AGRN: variants seen among roughly 807,000 people sequenced by gnomAD.
AGRN encodes agrin.
Under a neutral mutation model 211.0 loss-of-function variants are expected in AGRN, and 106 were observed. The observed-to-expected ratio is 0.50, with a 90% CI of 0.43 to 0.59. AGRN has a LOEUF of 0.59. Among genes scored for constraint, AGRN ranks in the 20% least tolerant of loss-of-function variants. The probability of loss-of-function intolerance (pLI) is 0.00; values close to 1 mark genes in which losing one functional copy is unlikely to be tolerated. For synonymous variants in AGRN, 1,525 were observed against 1,332.5 expected, an observed-to-expected ratio of 1.14 and a Z score of -3.15; for missense variants, 3,040 against 2,982.6, an observed-to-expected ratio of 1.02 and a Z score of -0.45.
intron 27 of AGRN, 38 bp downstream of exon 27, chr1:1,050,075 G>T: frequency 6.6e-7 from 1 of 1,518,792 alleles, no homozygotes; most frequent in Non-Finnish European, 8.9e-7. Context: ...GGGGGGGGGG[G>T]GGGTTGAACG....
At chr1:1,020,481 G>A (rs1468541439) in intron 1 of AGRN, 108 bp downstream of exon 1, 4 of 1,125,172 alleles carry the variant, frequency 3.6e-6, no homozygotes, top group Non-Finnish European at 4.7e-6. Context: ...CCCCCGCTCC[G>A]GCTCCCTTGG....
At chr1:1,027,027 G>T (rs1644535319) in intron 2 of AGRN, among the ~76,000 whole-genome samples, 1 of 152,274 alleles carries the variant, frequency 6.6e-6, no homozygotes, top group African/African-American at 2.4e-5. Context: ...CCCCGAAGGG[G>T]CCTCTCCCCC....
At chr1:1,039,410 A>ATGG (rs910277132) in intron 3 of AGRN, among the ~76,000 whole-genome samples, 33 of 25,504 alleles carry the variant, frequency 1.3e-3, no homozygotes, top group African/African-American at 2.1e-3. Context: ...CTCCTTGGAG[A>ATGG]TGGGGGGGGT....
Position 1,045,974 on chromosome 1 carries a change from G to T in AGRN, c.2691G>T (p.Ala897=), listed in dbSNP as rs760197095. The change falls in exon 16 of 36, where the codon GCG becomes GCT. Residue 897 remains alanine (A), a synonymous_variant. Coordinates refer to ENST00000379370, the MANE Select transcript of AGRN (RefSeq NM_198576.4). ...GPAGCEADAS[A]PATCAEMRCE... ...ATGCCCGTGCCCCAGACGCTTCTGC[G>T]CCTGCGACCTGTGCGGAGATGCGCT... 6.2e-7 allele frequency: 1 copy of T among 1,613,598 alleles called. No homozygotes were observed. The highest frequency in any genetic ancestry group is 1.3e-5 in the African/African-American group (1 of 74,914).
intron 2 of AGRN, among the ~76,000 whole-genome samples, chr1:1,024,884 C>T (rs756676277): frequency 2.6e-5 from 4 of 152,228 alleles, no homozygotes; most frequent in Non-Finnish European, 5.9e-5. Flanking sequence ...CCCGCTGCTC[C>T]CTCCGGAAGG....
intron 2 of AGRN, among the ~76,000 whole-genome samples, chr1:1,033,405 G>C (rs1314366510): frequency 6.6e-6 from 1 of 151,482 alleles, no homozygotes; most frequent in Non-Finnish European, 1.5e-5. Context: ...GGCCCCCCGA[G>C]CCCCCTGCGG....
At chr1:1,033,697 GCCCCAGTCCCAC>G (rs1183078938) in intron 2 of AGRN, among the ~76,000 whole-genome samples, 42 of 98,982 alleles carry the variant, frequency 4.2e-4, no homozygotes, top group Non-Finnish European at 5.7e-4. Flanking sequence ...CCCAGGCCCA[GCCCCAGTCCCAC>G]CCCCAGTCCC....
intron 34 of AGRN, 125 bp from the exon 35 acceptor site, chr1:1,054,323 G>A (rs1645393949): frequency 1.1e-6 from 1 of 900,206 alleles, no homozygotes; most frequent in Non-Finnish European, 1.7e-6. Context: ...GCCCCCAGGG[G>A]TGATACCTCG....
Position 1,020,259 on chromosome 1 carries a change from G to T in AGRN, c.87G>T (p.Gly29=). The change falls in exon 1 of 36, where the codon GGG becomes GGT. Residue 29 remains glycine (G), a synonymous_variant. Coordinates refer to ENST00000379370, the MANE Select transcript of AGRN (RefSeq NM_198576.4). Reference sequence around the variant, plus strand: ...CGTGCGTCCTGCCCGGAGCCGGCGGGACATGCCCGGAGCGCGCGCTGGAGC... The same window carrying T: ...CGTGCGTCCTGCCCGGAGCCGGCGGTACATGCCCGGAGCGCGCGCTGGAGC... ...VAACVLPGAG[G]TCPERALERR... is the part of the protein sequence containing the mutation. 6.8e-7 allele frequency: 1 copy of T among 1,464,024 alleles called. No individual in the cohort carries two copies. The allele number at this position is 1,464,024 out of a possible 1,614,324, so 90.7% of individuals were successfully genotyped here.
At chr1:1,049,482 A>G in intron 25 of AGRN, 31 bp downstream of exon 25, 4 of 1,598,426 alleles carry the variant, frequency 2.5e-6, no homozygotes, top group Admixed American at 1.7e-5. Context: ...TGTGGCCCCG[A>G]CCCCGGCCCT....
At position 1,045,623 on chromosome 1, in the gene AGRN, C is replaced by G. The variant is rs1055334411; in HGVS notation, c.2536+100C>G. ...CACCTGCCCAGGCCCTGGCCTGACCCACACCTGGCTGGGGGCTGGGCAGAG... is the reference window on the plus strand; with the variant it reads ...CACCTGCCCAGGCCCTGGCCTGACCGACACCTGGCTGGGGGCTGGGCAGAG... On this transcript the variant is annotated intron_variant, in intron 14 of 35. Transcript: ENST00000379370. 69 of 1,605,944 alleles carry G rather than the reference C, an allele frequency of 4.3e-5. 1 individual carries two copies. In the South Asian group the frequency reaches 6.9e-4, roughly 16 times the overall value.
chr1:1,035,827 C>T (rs1644791295), intron 3 of AGRN, among the ~76,000 whole-genome samples: 1 of 150,462 alleles, frequency 6.6e-6, no homozygotes, highest in Non-Finnish European at 1.5e-5. Context: ...TGGGACTCTG[C>T]AGGCTGTCAT....
intron 3 of AGRN, among the ~76,000 whole-genome samples, chr1:1,038,069 G>A (rs1644843592): frequency 6.6e-6 from 1 of 152,190 alleles, no homozygotes; most frequent in Admixed American, 6.5e-5. Context: ...TTGAGGGGCA[G>A]ATGTGTTTCC....
chr1:1,032,276 G>A lies in AGRN; in HGVS notation c.464-3001G>A, dbSNP rs1001826260. On this transcript the variant is annotated intron_variant, in intron 2 of 35. Transcript: ENST00000379370. This position sits in a 1 kb window ranked among gnomAD's most constrained non-coding sequence, Gnocchi z 4.7. ...GTTCCAGGGCCGTAGAGATGTGGAG[G>A]CCTCCTGTCTGGGTGATGGGGCATG... Among the ~76,000 whole-genome samples the A allele has an allele frequency of 4.6e-5, 7 of 152,298 alleles. No individual in the cohort carries two copies. Among genetic ancestry groups the A allele is most frequent in the Middle Eastern group, 3.4e-3 (1 of 294 alleles).
chr1:1,035,175 G>C (rs866756934), intron 2 of AGRN, 102 bp from the exon 3 acceptor site: 24 of 1,251,638 alleles, frequency 1.9e-5, no homozygotes, highest in Admixed American at 1.0e-4. Context: ...GCGGTGGGGG[G>C]GGGGGGGTGG....
Position 1,040,794 on chromosome 1 carries a change from C to T in AGRN, c.641C>T (p.Ala214Val). The T allele has an allele frequency of 6.5e-7, 1 of 1,539,580 alleles. No homozygotes were observed. The highest frequency in any genetic ancestry group is 1.4e-5 in the African/African-American group (1 of 72,928). Reference sequence around the variant, plus strand: ...GTGGCGCCTGTGTGTGGGTCGGACGCCTCCACCTACAGCAACGAATGCGAG... The same window carrying T: ...GTGGCGCCTGTGTGTGGGTCGGACGTCTCCACCTACAGCAACGAATGCGAG... Reference protein sequence around the residue: ...SVVAPVCGSDASTYSNECELQ... With the variant: ...SVVAPVCGSDVSTYSNECELQ... The change falls in exon 4 of 36, where the codon GCC (alanine) becomes GTC (valine). Residue 214 changes from alanine to valine, a missense_variant. Transcript: ENST00000379370.
At chr1:1,030,418 CGTGT>C (rs1224773193) in intron 2 of AGRN, among the ~76,000 whole-genome samples, 1 of 35,174 alleles carries the variant, frequency 2.8e-5, no homozygotes. Context: ...GTGAGATCAG[CGTGT>C]GTGTGTGTGC....
At chr1:1,050,093 G>A (rs1336688410) in intron 27 of AGRN, 56 bp downstream of exon 27, 13 of 1,558,102 alleles carry the variant, frequency 8.3e-6, no homozygotes, top group African/African-American at 8.2e-5. Context: ...ACGTTTGGGC[G>A]GGTACAGGTT....
At chr1:1,022,587 T>TTGTGC (rs1644433011) in intron 2 of AGRN, 125 bp downstream of exon 2, 2 of 1,060,328 alleles carry the variant, frequency 1.9e-6, no homozygotes, top group African/African-American at 3.2e-5. Context: ...ACACGGTGTC[T>TTGTGC]TGTGGTCCAA....
Sources: allele counts gnomAD v4.1 joint callset (sites outside exome capture counted in the v4.1 genomes callset), GRCh38; gene constraint gnomAD v4.1.1; non-coding constraint Gnocchi (gnomAD v3.1); transcripts MANE v1.5; gene names NCBI Gene and HGNC (gene_info 2026-07-23, HGNC 2026-07-21).